The following MYH9 variants were observed in gnomAD, a reference collection of about 807,000 sequenced individuals.
MYH9 encodes myosin heavy chain 9.
A neutral mutation model predicts 241.9 loss-of-function variants in MYH9; 29 were observed. The observed-to-expected ratio is 0.12, with a 90% CI of 0.09 to 0.16. MYH9 has a LOEUF of 0.16. Among genes scored for constraint, MYH9 ranks in the 10% least tolerant of loss-of-function variants. The pLI is 1.00. For synonymous variants in MYH9, 1,047 were observed against 1,062.6 expected (o/e 0.99, Z 0.29); for missense variants, 1,803 against 2,595.5 (o/e 0.69, Z 6.63).
rs190463106 is a variant in MYH9, at chr22:36,368,967, A to G, written c.-20+18840T>C. On this transcript the variant is annotated intron_variant, in intron 1 of 40. Coordinates refer to ENST00000216181, the MANE Select transcript of MYH9 (RefSeq NM_002473.6). ...AACCTAAGGGTCATTAAAGCCTGTGACCTGTATTAAAAGGGAAGAGACCCA... is the reference window on the plus strand; with the variant it reads ...AACCTAAGGGTCATTAAAGCCTGTGGCCTGTATTAAAAGGGAAGAGACCCA... Among the ~76,000 whole-genome samples the G allele has an allele frequency of 2.3e-3, 345 of 152,088 alleles. 3 individuals are homozygous for G. The highest frequency in any genetic ancestry group is 8.1e-3 in the African/African-American group (337 of 41,472).
chr22:36,297,287 T>C lies in MYH9; in HGVS notation c.3101-273A>G. 2.0e-5 allele frequency: 10 copies of C among 507,100 alleles called. No homozygotes were observed. The South Asian group carries it at 2.0e-4, about 10-fold the overall frequency. The allele number at this position is 507,100 out of a possible 1,614,324, so 31.4% of individuals were successfully genotyped here. ...AAGCTGGTGTTTGTAATTCCCTTGG[T>C]TCCCTTGAAGGCTGTACCATGTCTG... On this transcript the variant is annotated intron_variant, in intron 24 of 40. Transcript: ENST00000216181.
chr22:36,293,808 T>C lies in MYH9; in HGVS notation c.3893A>G (p.Lys1298Arg), dbSNP rs1042102058. 12 of 1,613,980 alleles carry C rather than the reference T, an allele frequency of 7.4e-6. No homozygotes were observed. Among genetic ancestry groups the C allele is most frequent in the Non-Finnish European group, 1.0e-5 (12 of 1,180,014 alleles). The change falls in exon 29 of 41, where the codon AAG becomes AGG. Residue 1298 changes from lysine to arginine, a missense_variant. By Grantham distance (26) the Lys-to-Arg change is conservative (BLOSUM62 2). Coordinates refer to ENST00000216181, the MANE Select transcript of MYH9 (RefSeq NM_002473.6). The surrounding 1 kb of genome is among the most constrained non-coding windows in gnomAD (Gnocchi z 5.1). ...LLSQSDSKSSKLTKDFSALES... is the reference protein window; with the variant it reads ...LLSQSDSKSSRLTKDFSALES... ...CAGCGCGGAGAAGTCCTTGGTGAGC[T>C]TGCTGGACTTGCTGTCGGACTGGCT...
rs139888634 is a variant in MYH9, at chr22:36,335,953, A to G, written c.490+5417T>C. On this transcript the variant is annotated intron_variant, in intron 3 of 40. Transcript: ENST00000216181. Reference sequence around the variant, plus strand: ...CTCATTGTTTACAGAAAAAGGTCAGACACCGAGGGGCATGTGCACACTCAC... The same window carrying G: ...CTCATTGTTTACAGAAAAAGGTCAGGCACCGAGGGGCATGTGCACACTCAC... 4.1e-3 allele frequency among the ~76,000 whole-genome samples: 617 copies of G among 152,330 alleles called. 5 individuals are homozygous for G. The highest frequency in any genetic ancestry group is 0.014 in the African/African-American group (585 of 41,576).
At chr22:36,358,933 T>C (rs2017896424) in intron 1 of MYH9, among the ~76,000 whole-genome samples, 1 of 152,194 alleles carries the variant, frequency 6.6e-6, no homozygotes, top group African/African-American at 2.4e-5. Context: ...CCCATTCATC[T>C]TGCCCCTGCC....
chr22:36,316,409 G>T, intron 12 of MYH9, 108 bp downstream of exon 12: 1 of 1,531,926 alleles, frequency 6.5e-7, no homozygotes, highest in Non-Finnish European at 9.0e-7. Flanking sequence ...AAAGGAGATG[G>T]CCAACTCAGA....
In MYH9 at chr22:36,305,170, C is replaced by T. The variant is rs899669855; in HGVS notation, c.2160-68G>A. 7 of 1,319,170 alleles carry T rather than the reference C, an allele frequency of 5.3e-6. No homozygotes were observed. The highest frequency in any genetic ancestry group is 2.9e-5 in the African/African-American group (2 of 69,064). The allele number at this position is 1,319,170 out of a possible 1,614,324, so 81.7% of individuals were successfully genotyped here. On this transcript the variant is annotated intron_variant, in intron 17 of 40. Coordinates refer to ENST00000216181, the MANE Select transcript of MYH9 (RefSeq NM_002473.6). The surrounding 1 kb of genome is among the most constrained non-coding windows in gnomAD (Gnocchi z 4.7). ...CGATTCCACATGCCTGGAATATAGG[C>T]GAGAGATTAACATCATTTCTACAAT...
chr22:36,385,958 G>A (rs1459829687), intron 1 of MYH9, among the ~76,000 whole-genome samples: 1 of 152,262 alleles, frequency 6.6e-6, no homozygotes, highest in East Asian at 1.9e-4. Context: ...AAGAGAAGTG[G>A]CCCCTCTCAG....
chr22:36,339,757 C>T (rs899191274), intron 3 of MYH9, among the ~76,000 whole-genome samples: 7 of 152,174 alleles, frequency 4.6e-5, no homozygotes, highest in African/African-American at 7.2e-5. Context: ...AACCACTATC[C>T]ATACAAGATA....
chr22:36,320,671 C>T lies in MYH9; in HGVS notation c.868+127G>A, dbSNP rs1191373327. ...AGGATGGCGCAGAGAACAGGAGTCA[C>T]TCTCACTTCTCCCCGTTAAACCCAA... On this transcript the variant is annotated intron_variant, in intron 8 of 40. Coordinates refer to ENST00000216181, the MANE Select transcript of MYH9 (RefSeq NM_002473.6). This position sits in a 1 kb window ranked among gnomAD's most constrained non-coding sequence, Gnocchi z 4.8. 5 of 804,802 alleles carry T rather than the reference C, an allele frequency of 6.2e-6. No homozygotes were observed. Among genetic ancestry groups the T allele is most frequent in the African/African-American group, 5.1e-5 (3 of 58,726 alleles). 49.9% of individuals were successfully genotyped at this position (804,802 alleles called of 1,614,324 possible).
intron 5 of MYH9, among the ~76,000 whole-genome samples, chr22:36,324,379 C>T (rs5756154): frequency 0.5 from 75,649 of 152,220 alleles, 20,250 homozygotes; most frequent in Non-Finnish European, 0.59. Context: ...CCATCGGTTT[C>T]TGAAGGGCTT....
chr22:36,349,959 T>G (rs2017739691), intron 1 of MYH9, among the ~76,000 whole-genome samples: 1 of 152,200 alleles, frequency 6.6e-6, no homozygotes, highest in South Asian at 2.1e-4. Flanking sequence ...CCCCACATAG[T>G]GGAAGTTTCC....
intron 30 of MYH9, 142 bp from the exon 31 acceptor site, chr22:36,292,376 C>A: frequency 9.1e-7 from 1 of 1,093,034 alleles, no homozygotes; most frequent in East Asian, 2.4e-5. Context: ...CCGCCTCCCC[C>A]AGTCACTTCC....
intron 2 of MYH9, 69 bp downstream of exon 2, chr22:36,348,835 A>C: frequency 1.2e-6 from 1 of 869,012 alleles, no homozygotes; most frequent in Non-Finnish European, 1.7e-6. Flanking sequence ...GGTGATGGGA[A>C]GACCCGCCCC....
At position 36,297,013 on chromosome 22, in the gene MYH9, C is replaced by T; in HGVS notation, c.3102G>A (p.Glu1034=). The change falls in exon 25 of 41, where the codon GAG becomes GAA. Residue 1034 remains glutamate, a splice_region_variant and synonymous_variant. Coordinates refer to ENST00000216181, the MANE Select transcript of MYH9 (RefSeq NM_002473.6). ...KHEAMITDLE[E]RLRREEKQRQ... ...GCTGCTTCTCCTCCCTGCGGAGGCG[C>T]TCTGCAATGCAGGGGGAGCCCACAT... is the stretch of plus-strand genomic sequence containing the variant. 3 of 1,613,870 alleles carry T rather than the reference C, an allele frequency of 1.9e-6. No homozygotes were observed. The highest frequency in any genetic ancestry group is 1.3e-5 in the African/African-American group (1 of 75,070).
Position 36,306,065 on chromosome 22 carries a change from CACAT to C in MYH9, c.2038-18_2038-15del, listed in dbSNP as rs759942670. On this transcript the variant is annotated splice_polypyrimidine_tract_variant and intron_variant, in intron 16 of 40. Transcript: ENST00000216181. This position sits in a 1 kb window ranked among gnomAD's most constrained non-coding sequence, Gnocchi z 4.1. Reference sequence around the variant, plus strand: ...CAGCTTGCCGGCCTGGAGAAGAAAACACATGCATGCGGTCTCACTTCCGTGCCTA... The same window carrying C: ...CAGCTTGCCGGCCTGGAGAAGAAAACGCATGCGGTCTCACTTCCGTGCCTA... 15 of 1,612,722 alleles carry C rather than the reference CACAT, an allele frequency of 9.3e-6. No individual in the cohort carries two copies. Among genetic ancestry groups the C allele is most frequent in the East Asian group, 2.2e-5 (1 of 44,886 alleles).
chr22:36,378,035 G>C (rs1185468738), intron 1 of MYH9, among the ~76,000 whole-genome samples: 1 of 151,948 alleles, frequency 6.6e-6, no homozygotes, highest in East Asian at 1.9e-4. Context: ...AGCACTTTGG[G>C]AGGCCAAGGC....
At chr22:36,370,809 G>A (rs545412926) in intron 1 of MYH9, among the ~76,000 whole-genome samples, 1 of 148,392 alleles carries the variant, frequency 6.7e-6, no homozygotes, top group East Asian at 2.1e-4. Context: ...GGAGCAGAGA[G>A]CAAAGTGGGA....
Position 36,295,759 on chromosome 22 carries a change from C to T in MYH9, c.3273-42G>A. The T allele has an allele frequency of 6.4e-7, 1 of 1,563,258 alleles. No individual in the cohort carries two copies. The highest frequency in any genetic ancestry group is 1.1e-5 in the South Asian group (1 of 88,362). ...CAACATCAGTATAAGGAGAGTTTCACCTCCAAGGAGCAGAGTTTGCAGGAC... is the reference window on the plus strand; with the variant it reads ...CAACATCAGTATAAGGAGAGTTTCATCTCCAAGGAGCAGAGTTTGCAGGAC... On this transcript the variant is annotated intron_variant, in intron 25 of 40. Coordinates refer to ENST00000216181, the MANE Select transcript of MYH9 (RefSeq NM_002473.6). The surrounding 1 kb of genome is among the most constrained non-coding windows in gnomAD (Gnocchi z 4.1).
chr22:36,305,834 C>G lies in MYH9; in HGVS notation c.2159+96G>C. 1 of 1,569,612 alleles carries G rather than the reference C, an allele frequency of 6.4e-7. No homozygotes were observed. Among genetic ancestry groups the G allele is most frequent in the Non-Finnish European group, 8.7e-7 (1 of 1,146,208 alleles). On this transcript the variant is annotated intron_variant, in intron 17 of 40. Coordinates refer to ENST00000216181, the MANE Select transcript of MYH9 (RefSeq NM_002473.6). This position sits in a 1 kb window ranked among gnomAD's most constrained non-coding sequence, Gnocchi z 4.7. The stretch of plus-strand genomic sequence containing the variant: ...ACATGGATGGAGGACGTCGCTCCCT[C>G]ACGACAGGATCCTGCCAGGGAGCAG...
Sources: gnomAD v4.1 joint callset for allele counts (sites outside exome capture counted in the v4.1 genomes callset) on GRCh38, gnomAD v4.1.1 for gene constraint, Gnocchi (gnomAD v3.1) non-coding constraint, MANE v1.5 for transcripts, NCBI Gene and HGNC (gene_info 2026-07-23, HGNC 2026-07-21) for gene names.